Variants in PDE2A observed in about 807,000 individuals in gnomAD.
PDE2A encodes cGMP-dependent 3',5'-cyclic phosphodiesterase.
PDE2A carries 53 observed loss-of-function variants against 133.6 expected under a neutral mutation model. That is an observed-to-expected ratio of 0.40 (90% CI 0.32 to 0.50). PDE2A has a LOEUF of 0.50. Ranked by LOEUF, PDE2A falls within the 20% of genes least tolerant of loss-of-function variation. PDE2A has a pLI of 0.73. For missense variants in PDE2A, 796 were observed against 1,232.4 expected, an observed-to-expected ratio of 0.65 and a Z score of 5.30; for synonymous variants, 491 against 490.2, an observed-to-expected ratio of 1.00 and a Z score of -0.02.
chr11:72,619,896 C>G (rs1857668248), intron 2 of PDE2A, among the ~76,000 whole-genome samples: 2 of 152,168 alleles, frequency 1.3e-5, no homozygotes, highest in Admixed American at 1.3e-4. Context: ...TCTCTTCCCC[C>G]AGAGCTGCTG....
chr11:72,668,458 G>C, intron 1 of PDE2A: 2 of 711,680 alleles, frequency 2.8e-6, no homozygotes, highest in Non-Finnish European at 2.6e-6. Flanking sequence ...CGTAATTATG[G>C]CTTAATACTT....
At chr11:72,646,557 AG>A (rs1859132388) in intron 1 of PDE2A, among the ~76,000 whole-genome samples, 2 of 152,172 alleles carry the variant, frequency 1.3e-5, no homozygotes, top group South Asian at 4.1e-4. Context: ...GACCCCCCAA[AG>A]CCAGGGCAGG....
chr11:72,650,210 G>A (rs774188339), intron 1 of PDE2A, among the ~76,000 whole-genome samples: 15 of 151,966 alleles, frequency 9.9e-5, no homozygotes, highest in Non-Finnish European at 1.5e-4. Flanking sequence ...TTTGGTAGAG[G>A]CAGGGTTTCA....
chr11:72,581,074 T>C, intron 23 of PDE2A, 101 bp from the exon 24 acceptor site: 1 of 878,004 alleles, frequency 1.1e-6, no homozygotes, highest in East Asian at 2.5e-5. Flanking sequence ...CAGGAGCCAC[T>C]GGGACAGGAG....
chr11:72,659,034 C>T (rs1021552032), intron 1 of PDE2A, among the ~76,000 whole-genome samples: 1 of 151,992 alleles, frequency 6.6e-6, no homozygotes, highest in African/African-American at 2.4e-5. Flanking sequence ...CCACTCAATC[C>T]TTATAATATG....
chr11:72,619,202 A>G (rs1857626001), intron 2 of PDE2A, among the ~76,000 whole-genome samples: 1 of 152,176 alleles, frequency 6.6e-6, no homozygotes, highest in African/African-American at 2.4e-5. Context: ...CGGACCCTCT[A>G]TACAATTCAA....
At chr11:72,644,179 C>T (rs3781923) in intron 1 of PDE2A, among the ~76,000 whole-genome samples, 92,107 of 152,068 alleles carry the variant, frequency 0.61, 28,390 homozygotes, top group Middle Eastern at 0.78. Context: ...CTGGTTACTA[C>T]CTTATCCCTC....
Position 72,590,462 on chromosome 11 carries a change from T to C in PDE2A, c.668A>G (p.Tyr223Cys), listed in dbSNP as rs1856192330. 6.5e-7 allele frequency: 1 copy of C among 1,545,062 alleles called. No homozygotes were observed. The change falls in exon 8 of 31, where the codon TAC (tyrosine) becomes TGC (cysteine). Residue 223 changes from tyrosine to cysteine, a missense_variant. Physicochemically the swap from Tyr to Cys is radical, Grantham distance 194. This residue lies in a region of PDE2A where 417 missense variants were observed against 475.3 expected (regional missense o/e 0.88). Coordinates refer to ENST00000334456, the MANE Select transcript of PDE2A (RefSeq NM_002599.5). The surrounding 1 kb of genome is among the most constrained non-coding windows in gnomAD (Gnocchi z 4.8). ...GAGGATCTTGCGGTCGCGGTCGGTG[T>C]ACGCCGCCCCGCCCTTCTGGTCTTC... is the stretch of plus-strand genomic sequence containing the variant. ...TAEDQKGGAA[Y>C]TDRDRKILQL...
chr11:72,587,822 G>A (rs551199148), intron 13 of PDE2A: 1 of 152,328 alleles, frequency 6.6e-6, no homozygotes, highest in African/African-American at 2.4e-5. Context: ...TGTCAACACA[G>A]TTCCATGCTG....
intron 1 of PDE2A, among the ~76,000 whole-genome samples, chr11:72,642,774 C>T (rs983443310): frequency 7.9e-5 from 12 of 151,976 alleles, no homozygotes; most frequent in African/African-American, 2.9e-4. Flanking sequence ...GGGTCCGGGG[C>T]CCGGCCAGAG....
At chr11:72,642,849 CG>C (rs1263102719) in intron 1 of PDE2A, 1 of 153,480 alleles carries the variant, frequency 6.5e-6, no homozygotes, top group Non-Finnish European at 1.5e-5. Context: ...GCAGGGGCCG[CG>C]GACACCGCAG....
At chr11:72,622,602 C>T (rs1857832656) in intron 2 of PDE2A, among the ~76,000 whole-genome samples, 1 of 152,186 alleles carries the variant, frequency 6.6e-6, no homozygotes, top group Non-Finnish European at 1.5e-5. Context: ...CACAAAAAGA[C>T]AGATACTACA....
chr11:72,610,795 A>G (rs1213928790), intron 2 of PDE2A, among the ~76,000 whole-genome samples: 2 of 152,350 alleles, frequency 1.3e-5, no homozygotes, highest in Non-Finnish European at 1.5e-5. Context: ...CCTCGCAGAC[A>G]TCCCAGCAGG....
chr11:72,630,339 C>T (rs770354075), intron 2 of PDE2A, among the ~76,000 whole-genome samples: 2 of 152,022 alleles, frequency 1.3e-5, no homozygotes, highest in Non-Finnish European at 2.9e-5. Flanking sequence ...GCACGGTGGG[C>T]GACAGACAGC....
intron 6 of PDE2A, among the ~76,000 whole-genome samples, chr11:72,593,573 TG>T (rs1250087881): frequency 6.6e-6 from 1 of 152,200 alleles, no homozygotes; most frequent in Admixed American, 6.5e-5. Context: ...TGCAGGGAGC[TG>T]GTGTGGCTGG....
intron 3 of PDE2A, among the ~76,000 whole-genome samples, chr11:72,608,121 C>A (rs140020328): frequency 6.6e-6 from 1 of 152,178 alleles, no homozygotes; most frequent in Admixed American, 6.5e-5. Flanking sequence ...AAACCTGCAA[C>A]TCATCCATGG....
intron 3 of PDE2A, 88 bp from the exon 4 acceptor site, chr11:72,605,314 G>A (rs1260386455): frequency 1.6e-6 from 1 of 614,812 alleles, no homozygotes; most frequent in Non-Finnish European, 2.7e-6. Flanking sequence ...GTGGGGCAAG[G>A]TCATGGAACC....
In PDE2A at chr11:72,581,462, T is replaced by C. The variant is rs374482713; in HGVS notation, c.1940A>G (p.Lys647Arg). The C allele has an allele frequency of 7.5e-6, 12 of 1,599,992 alleles. No homozygotes were observed. Among genetic ancestry groups the C allele is most frequent in the African/African-American group, 1.3e-5 (1 of 74,856 alleles). Residue 647 changes from lysine (K) to arginine (R), a missense_variant, in exon 23 of 31, where the codon AAG becomes AGG. Physicochemically the swap from Lys to Arg is conservative, Grantham distance 26. Around this residue, in one of 7 missense-constraint regions of PDE2A, gnomAD observed 218 missense variants for 465.9 expected, o/e 0.47. Transcript: ENST00000334456. ...PTLARFCLMVKKGYRDPPYHN... is the reference protein window; with the variant it reads ...PTLARFCLMVRKGYRDPPYHN... Reference sequence around the variant, plus strand: ...GTAGGGGGGATCCCGGTAGCCCTTCTTCACCATCAAACAGAACCTGGGGGA... The same window carrying C: ...GTAGGGGGGATCCCGGTAGCCCTTCCTCACCATCAAACAGAACCTGGGGGA...
At chr11:72,603,040 G>T (rs1318155003) in intron 4 of PDE2A, among the ~76,000 whole-genome samples, 1 of 152,220 alleles carries the variant, frequency 6.6e-6, no homozygotes, top group African/African-American at 2.4e-5. Flanking sequence ...TTTTCAGGTA[G>T]CAGCTGAGCC....
Sources: allele counts gnomAD v4.1 joint callset (sites outside exome capture counted in the v4.1 genomes callset), GRCh38; gene constraint gnomAD v4.1.1; regional missense constraint gnomAD v4.1.1; non-coding constraint Gnocchi (gnomAD v3.1); transcripts MANE v1.5; gene names NCBI Gene and HGNC (gene_info 2026-07-23, HGNC 2026-07-21).